CFAP47: variants seen among roughly 807,000 people sequenced by gnomAD.
The protein encoded by CFAP47 is cilia- and flagella-associated protein 47.
Under a neutral mutation model 148.1 loss-of-function variants are expected in CFAP47, and 29 were observed. The observed-to-expected ratio is 0.20, with a 90% CI of 0.15 to 0.27. The LOEUF is 0.27. Among genes scored for constraint, CFAP47 ranks in the 10% least tolerant of loss-of-function variants. The pLI is 1.00. For missense variants in CFAP47, 1,872 were observed against 1,697.5 expected (o/e 1.10, Z -1.81); for synonymous variants, 664 against 577.3 (o/e 1.15, Z -2.15).
Position 36,172,617 on chromosome X carries a change from G to A in CFAP47, c.6027-6728G>A, listed in dbSNP as rs867951195. Among the ~76,000 whole-genome samples the A allele has an allele frequency of 1.5e-3, 160 of 110,223 alleles. 1 individual carries two copies. The highest frequency in any genetic ancestry group is 5.0e-3 in the African/African-American group (150 of 30,198). On this transcript the variant is annotated intron_variant, in intron 39 of 63. Transcript: ENST00000378653. Reference sequence around the variant, plus strand: ...GGATTACATTTATTGATTTGCATATGTTGAACCAGCCTTGCATCCCAGGGA... The same window carrying A: ...GGATTACATTTATTGATTTGCATATATTGAACCAGCCTTGCATCCCAGGGA...
At chrX:36,019,883 C>T (rs1377341303) in intron 22 of CFAP47, among the ~76,000 whole-genome samples, 1 of 111,839 alleles carries the variant, frequency 8.9e-6, no homozygotes, top group East Asian at 2.8e-4. Context: ...TTCAAAACAA[C>T]AACTTTTCAT....
chrX:36,001,755 C>A, intron 21 of CFAP47, 48 bp downstream of exon 21: 1 of 280,695 alleles, frequency 3.6e-6, no homozygotes, highest in South Asian at 2.2e-4. Context: ...ATGGGTATTC[C>A]GAACCAAAAA....
chrX:36,076,604 A>G (rs1282753376), intron 29 of CFAP47, among the ~76,000 whole-genome samples: 2 of 110,161 alleles, frequency 1.8e-5, no homozygotes, highest in Non-Finnish European at 3.8e-5. Flanking sequence ...TTGCTTTTAA[A>G]CTGTTTCAGT....
Position 35,953,615 on chromosome X carries a change from A to G in CFAP47, c.1070A>G (p.Asp357Gly). The G allele has an allele frequency of 8.4e-7, 1 of 1,193,568 alleles. No individual in the cohort carries two copies. Among genetic ancestry groups the G allele is most frequent in the Non-Finnish European group, 1.1e-6 (1 of 884,887 alleles). The stretch of plus-strand genomic sequence containing the variant: ...AGGCTAATGGCTGTTGGTAAAAAGG[A>G]TATTGGACCTTCATACAGACAGGAC... Reference protein sequence around the residue: ...TPKLMAVGKKDIGPSYRQDYA... With the variant: ...TPKLMAVGKKGIGPSYRQDYA... The change falls in exon 7 of 64, where the codon GAT becomes GGT. Residue 357 changes from aspartate to glycine, a missense_variant. Coordinates refer to ENST00000378653, the MANE Select transcript of CFAP47 (RefSeq NM_001304548.2).
chrX:36,230,017 G>A (rs200426479), intron 46 of CFAP47, among the ~76,000 whole-genome samples: 21 of 108,819 alleles, frequency 1.9e-4, no homozygotes, highest in South Asian at 4.1e-4. Context: ...TCATTGTTGG[G>A]CATTTGGGTT....
intron 33 of CFAP47, among the ~76,000 whole-genome samples, chrX:36,105,742 A>G (rs1938456116): frequency 8.9e-6 from 1 of 112,409 alleles, no homozygotes; most frequent in South Asian, 3.6e-4. Context: ...ACTACACAAA[A>G]ACACATAAAA....
intron 49 of CFAP47, among the ~76,000 whole-genome samples, chrX:36,261,344 T>C (rs1345751793): frequency 4.2e-5 from 4 of 95,626 alleles, no homozygotes; most frequent in Non-Finnish European, 8.2e-5. Context: ...TTTTTTTTTT[T>C]CATTGATCAT....
At chrX:36,067,616 G>T (rs920515485) in intron 27 of CFAP47, among the ~76,000 whole-genome samples, 12 of 109,361 alleles carry the variant, frequency 1.1e-4, no homozygotes, top group Admixed American at 3.9e-4. Flanking sequence ...TCCTACAATG[G>T]TCTCCCCTTT....
chrX:36,146,094 T>C (rs766140695), intron 36 of CFAP47, among the ~76,000 whole-genome samples: 1 of 111,958 alleles, frequency 8.9e-6, no homozygotes, highest in East Asian at 2.8e-4. Flanking sequence ...ATTGCAATGA[T>C]ATCCAAGGGC....
chrX:36,164,614 A>G (rs1939467876), intron 39 of CFAP47, among the ~76,000 whole-genome samples: 1 of 111,386 alleles, frequency 9.0e-6, no homozygotes, highest in Admixed American at 9.6e-5. Context: ...TTGTTTTAAT[A>G]GCTTCATTAA....
chrX:36,229,972 G>A (rs1318029053), intron 46 of CFAP47, among the ~76,000 whole-genome samples: 2 of 106,355 alleles, frequency 1.9e-5, no homozygotes, highest in African/African-American at 6.9e-5. Context: ...AGTATTCCAT[G>A]GTGTATATGT....
Position 36,217,985 on chromosome X carries a change from G to C in CFAP47, c.6818-10643G>C, listed in dbSNP as rs1940175591. Among the ~76,000 whole-genome samples, 3 of 111,880 alleles carry C rather than the reference G, an allele frequency of 2.7e-5. 1 individual carries two copies. In the Admixed American group the frequency reaches 2.8e-4, roughly 11 times the overall value. On this transcript the variant is annotated intron_variant, in intron 45 of 63. Coordinates refer to ENST00000378653, the MANE Select transcript of CFAP47 (RefSeq NM_001304548.2). ...CATGCTCTACAATTATATATTTAGG[G>C]AGGCATTTAATCAGAAATTTCAGTA...
At chrX:36,066,128 G>T (rs1317657655) in intron 27 of CFAP47, among the ~76,000 whole-genome samples, 1 of 111,796 alleles carries the variant, frequency 8.9e-6, no homozygotes, top group Admixed American at 9.5e-5. Flanking sequence ...GTGGGACAGA[G>T]TGTGGTCATT....
chrX:36,287,586 CAT>C (rs1556004839), intron 51 of CFAP47, among the ~76,000 whole-genome samples: 1 of 111,382 alleles, frequency 9.0e-6, no homozygotes, highest in Non-Finnish European at 1.9e-5. Flanking sequence ...CTTCTTAACA[CAT>C]GACAGCTGCT....
intron 48 of CFAP47, among the ~76,000 whole-genome samples, chrX:36,237,418 C>T (rs1440570125): frequency 9.0e-6 from 1 of 110,987 alleles, no homozygotes; most frequent in Non-Finnish European, 1.9e-5. Flanking sequence ...CAACCTCCAC[C>T]TCCTGGGTTC....
At chrX:36,051,479 GC>G (rs766449421) in intron 26 of CFAP47, among the ~76,000 whole-genome samples, 14 of 111,787 alleles carry the variant, frequency 1.3e-4, no homozygotes, top group Admixed American at 3.8e-4. Flanking sequence ...AGATTTGCCT[GC>G]CCTGCTGGAT....
At chrX:36,345,440 G>T (rs957899501) in intron 57 of CFAP47, among the ~76,000 whole-genome samples, 3 of 110,825 alleles carry the variant, frequency 2.7e-5, no homozygotes, top group Non-Finnish European at 5.7e-5. Context: ...TTCACAACAG[G>T]TCTCGCTTAT....
intron 39 of CFAP47, among the ~76,000 whole-genome samples, chrX:36,171,418 G>T (rs1255184682): frequency 1.1e-4 from 12 of 109,573 alleles, no homozygotes; most frequent in South Asian, 7.8e-4. Context: ...TTCTAGGGTT[G>T]TTATGGTTTT....
chrX:36,158,335 C>T lies in CFAP47; in HGVS notation c.5787-1091C>T, dbSNP rs998560426. On this transcript the variant is annotated intron_variant, in intron 37 of 63. Transcript: ENST00000378653. The stretch of plus-strand genomic sequence containing the variant: ...TTTCCCCAAGTTTTATCACCTACAG[C>T]GGTATCAAGGCAAGGCAAGATTGAA... Among the ~76,000 whole-genome samples the T allele has an allele frequency of 7.1e-5, 8 of 112,273 alleles. No individual in the cohort carries two copies. In the South Asian group the frequency reaches 1.5e-3, roughly 21 times the overall value.
Sources: allele counts gnomAD v4.1 joint callset (sites outside exome capture counted in the v4.1 genomes callset), GRCh38; gene constraint gnomAD v4.1.1; transcripts MANE v1.5; gene names NCBI Gene and HGNC (gene_info 2026-07-23, HGNC 2026-07-21).